Variants in PELI2 observed in about 807,000 individuals in gnomAD.
PELI2 encodes the protein E3 ubiquitin-protein ligase pellino homolog 2.
Under a neutral mutation model 42.3 loss-of-function variants are expected in PELI2, and 23 were observed. That is an observed-to-expected ratio of 0.54 (90% CI 0.39 to 0.77). The LOEUF (loss-of-function observed/expected upper bound fraction) is 0.77. PELI2 is among the 30% of genes least tolerant of loss of function. The probability of loss-of-function intolerance (pLI) is 0.00; values close to 1 mark genes in which losing one functional copy is unlikely to be tolerated. For missense variants in PELI2, 463 were observed against 553.2 expected (o/e 0.84, Z 1.64); for synonymous variants, 245 against 212.2 (o/e 1.15, Z -1.34).
At chr14:56,154,688 C>G (rs1246588580) in intron 1 of PELI2, among the ~76,000 whole-genome samples, 1 of 152,090 alleles carries the variant, frequency 6.6e-6, no homozygotes, top group Non-Finnish European at 1.5e-5. Context: ...ACATTTTTTC[C>G]CCTTATAAAC....
chr14:56,255,691 A>T (rs1183659439), intron 2 of PELI2, among the ~76,000 whole-genome samples: 2 of 152,114 alleles, frequency 1.3e-5, no homozygotes, highest in Middle Eastern at 3.2e-3. Flanking sequence ...TATAGGCAGG[A>T]TGGAGGAGAT....
At chr14:56,281,424 A>G (rs1164145378) in intron 3 of PELI2, among the ~76,000 whole-genome samples, 3 of 152,172 alleles carry the variant, frequency 2.0e-5, no homozygotes, top group Non-Finnish European at 4.4e-5. Context: ...ACACACATAA[A>G]CATAGGTATG....
intron 3 of PELI2, among the ~76,000 whole-genome samples, chr14:56,287,997 T>G (rs907010690): frequency 3.9e-5 from 6 of 152,264 alleles, no homozygotes; most frequent in African/African-American, 1.4e-4. Flanking sequence ...ATCCAAGAGA[T>G]AAAATCTGAT....
At chr14:56,126,859 A>G (rs947205859) in intron 1 of PELI2, among the ~76,000 whole-genome samples, 5 of 152,360 alleles carry the variant, frequency 3.3e-5, no homozygotes, top group South Asian at 2.1e-4. Context: ...GATGTAGTAC[A>G]TAAGATTACA....
chr14:56,255,414 C>T (rs138105908), intron 2 of PELI2, among the ~76,000 whole-genome samples: 1 of 152,042 alleles, frequency 6.6e-6, no homozygotes, highest in East Asian at 1.9e-4. Flanking sequence ...CATATTCTCA[C>T]TCATAAGTGG....
intron 2 of PELI2, among the ~76,000 whole-genome samples, chr14:56,258,562 A>G (rs1184803797): frequency 6.9e-6 from 1 of 144,744 alleles, no homozygotes; most frequent in East Asian, 2.0e-4. Context: ...CTGAAGGTGA[A>G]AAATAACATG....
intron 1 of PELI2, among the ~76,000 whole-genome samples, chr14:56,141,301 C>T (rs997102975): frequency 6.6e-6 from 1 of 152,184 alleles, no homozygotes; most frequent in African/African-American, 2.4e-5. Flanking sequence ...CGACATCAGA[C>T]CAGAATGTTG....
chr14:56,264,566 T>A (rs185299251), intron 2 of PELI2, among the ~76,000 whole-genome samples: 6 of 152,288 alleles, frequency 3.9e-5, no homozygotes, highest in Non-Finnish European at 7.4e-5. Context: ...TATGAATTCA[T>A]GAGATGAGAG....
At chr14:56,220,694 G>A (rs936871844) in intron 2 of PELI2, among the ~76,000 whole-genome samples, 3 of 152,118 alleles carry the variant, frequency 2.0e-5, no homozygotes, top group Non-Finnish European at 4.4e-5. Context: ...GAGCATAGGG[G>A]AGGTGGCATA....
chr14:56,143,992 A>T (rs1022726044), intron 1 of PELI2, among the ~76,000 whole-genome samples: 2 of 152,206 alleles, frequency 1.3e-5, no homozygotes, highest in Non-Finnish European at 2.9e-5. Flanking sequence ...TAGGAAAAAC[A>T]TGCATGTATA....
chr14:56,205,788 TC>T (rs1886497018), intron 2 of PELI2, among the ~76,000 whole-genome samples: 1 of 152,108 alleles, frequency 6.6e-6, no homozygotes, highest in Non-Finnish European at 1.5e-5. Flanking sequence ...CAGGGTTGCC[TC>T]CGTCACACAC....
intron 2 of PELI2, among the ~76,000 whole-genome samples, chr14:56,205,163 T>C (rs1321049558): frequency 6.6e-6 from 1 of 151,744 alleles, no homozygotes; most frequent in Non-Finnish European, 1.5e-5. Flanking sequence ...GGGGACCCTG[T>C]GGGGTGCTCT....
chr14:56,249,251 G>T lies in PELI2; in HGVS notation c.208-30425G>T, dbSNP rs536744534. On this transcript the variant is annotated intron_variant, in intron 2 of 5. Transcript: ENST00000267460. ...TACTCTGTGCCAGGCAGGGATAGGG[G>T]TGGGAGAGAAGAAAAGTAAGGCCCT... 1.7e-3 allele frequency among the ~76,000 whole-genome samples: 254 copies of T among 152,194 alleles called. 1 individual carries two copies. Among genetic ancestry groups the T allele is most frequent in the Non-Finnish European group, 2.8e-3 (189 of 68,010 alleles).
At chr14:56,262,084 T>A (rs1019707950) in intron 2 of PELI2, among the ~76,000 whole-genome samples, 1 of 152,242 alleles carries the variant, frequency 6.6e-6, no homozygotes, top group Non-Finnish European at 1.5e-5. Flanking sequence ...TGAATTTATT[T>A]ACATTCTATC....
chr14:56,275,699 T>C (rs1889266888), intron 2 of PELI2, among the ~76,000 whole-genome samples: 1 of 152,210 alleles, frequency 6.6e-6, no homozygotes, highest in Admixed American at 6.5e-5. Flanking sequence ...CTTCGCTTGC[T>C]CGTCTGCCAC....
chr14:56,198,236 TC>T (rs1886210840), intron 2 of PELI2, among the ~76,000 whole-genome samples: 2 of 152,100 alleles, frequency 1.3e-5, no homozygotes, highest in African/African-American at 4.8e-5. Flanking sequence ...TCTTGTGTAG[TC>T]TGAGATGCCA....
intron 2 of PELI2, among the ~76,000 whole-genome samples, chr14:56,247,818 A>G (rs949502859): frequency 6.6e-6 from 1 of 152,190 alleles, no homozygotes; most frequent in African/African-American, 2.4e-5. Context: ...ACCTTGTCAG[A>G]TGCCTTCATG....
chr14:56,240,916 G>GT (rs1458979464), intron 2 of PELI2, among the ~76,000 whole-genome samples: 2 of 152,122 alleles, frequency 1.3e-5, no homozygotes, highest in Non-Finnish European at 2.9e-5. Flanking sequence ...GACCATGTTT[G>GT]TTTTTCCCTG....
chr14:56,271,695 A>G (rs987604578), intron 2 of PELI2, among the ~76,000 whole-genome samples: 3 of 152,226 alleles, frequency 2.0e-5, no homozygotes, highest in Non-Finnish European at 4.4e-5. Flanking sequence ...TGAGAACACA[A>G]GCGTACATTA....
Sources: gnomAD v4.1 joint callset for allele counts (sites outside exome capture counted in the v4.1 genomes callset) on GRCh38, gnomAD v4.1.1 for gene constraint, MANE v1.5 for transcripts, NCBI Gene and HGNC (gene_info 2026-07-23, HGNC 2026-07-21) for gene names.